The following GNB3 variants were observed in gnomAD, a reference collection of about 807,000 sequenced individuals.
GNB3 encodes the protein guanine nucleotide-binding protein G(I)/G(S)/G(T) subunit beta-3.
Under a neutral mutation model 41.2 loss-of-function variants are expected in GNB3, and 33 were observed. The observed-to-expected ratio is 0.80, with a 90% CI of 0.61 to 1.07. The LOEUF (loss-of-function observed/expected upper bound fraction) is 1.07, where lower values mean the gene tolerates loss of function less well. Among genes scored for constraint, GNB3 ranks in the 50% least tolerant of loss-of-function variants. The pLI is 0.00. For synonymous variants in GNB3, 172 were observed against 173.4 expected (o/e 0.99, Z 0.06); for missense variants, 409 against 455.3 (o/e 0.90, Z 0.92).
In GNB3 at chr12:6,843,019, G is replaced by A. The variant is rs782393502; in HGVS notation, c.146G>A (p.Arg49Gln). The stretch of plus-strand genomic sequence containing the variant: ...GGACGAGTCCAGATGCGGACGCGGC[G>A]GACGTTAAGGGGACACCTGGCCAAG... ...VVGRVQMRTR[R>Q]TLRGHLAKIY... The change falls in exon 4 of 10, where the codon CGG becomes CAG. Residue 49 changes from arginine to glutamine, a missense_variant. By Grantham distance (43) the Arg-to-Gln change is conservative. Transcript: ENST00000229264. This position sits in a 1 kb window ranked among gnomAD's most constrained non-coding sequence, Gnocchi z 5.9. 173 of 1,569,492 alleles carry A rather than the reference G, an allele frequency of 1.1e-4. No individual in the cohort carries two copies. The highest frequency in any genetic ancestry group is 1.4e-4 in the East Asian group (6 of 44,300).
chr12:6,841,905 T>C (rs1943583258), intron 3 of GNB3: 2 of 626,420 alleles, frequency 3.2e-6, no homozygotes, highest in Admixed American at 2.2e-5. Context: ...TAGTACTTTG[T>C]AAATTATAAA....
chr12:6,841,774 G>A (rs782527175), intron 3 of GNB3, 150 bp downstream of exon 3: 540 of 722,624 alleles, frequency 7.5e-4, no homozygotes, highest in Non-Finnish European at 1.1e-3. Flanking sequence ...ACATTTTAGC[G>A]GGACCTGCTC....
At chr12:6,845,547 A>C in intron 8 of GNB3, 39 bp from the exon 9 acceptor site, 4 of 1,437,274 alleles carry the variant, frequency 2.8e-6, no homozygotes, top group Non-Finnish European at 3.9e-6. Flanking sequence ...TGGGCTGCCC[A>C]GGTCTGATCC....
At chr12:6,841,824 G>A (rs782284744) in intron 3 of GNB3, 200 bp downstream of exon 3, 8 of 698,922 alleles carry the variant, frequency 1.1e-5, no homozygotes, top group Middle Eastern at 2.3e-4. Flanking sequence ...ATGCGGACAC[G>A]GTTCCTATTC....
rs1555124913 is a variant in GNB3 at position 6,847,007 on chromosome 12, A to T, written c.*109A>T. On this transcript the variant is annotated 3_prime_UTR_variant, in exon 10 of 10. Transcript: ENST00000229264. ...CTATATTCCGGGTGCCATTCCCACT[A>T]AGCTTTCTCCTTTGAGGGCAGTGGG... 2 of 683,726 alleles carry T rather than the reference A, an allele frequency of 2.9e-6. No homozygotes were observed. The highest frequency in any genetic ancestry group is 5.2e-6 in the Non-Finnish European group (2 of 382,618). The allele number at this position is 683,726 out of a possible 1,614,324, so 42.4% of individuals were successfully genotyped here.
Position 6,843,091 on chromosome 12 carries a change from G to T in GNB3, c.203+15G>T, listed in dbSNP as rs1383817764. ...ACTGATTCTAAGTGAGGCTTGGGGGGGAACCGAGAATGGGAGGGTGAGAGC... is the reference window on the plus strand; with the variant it reads ...ACTGATTCTAAGTGAGGCTTGGGGGTGAACCGAGAATGGGAGGGTGAGAGC... On this transcript the variant is annotated intron_variant, in intron 4 of 9. Transcript: ENST00000229264. This position sits in a 1 kb window ranked among gnomAD's most constrained non-coding sequence, Gnocchi z 5.9. 1 of 1,603,412 alleles carries T rather than the reference G, an allele frequency of 6.2e-7. No homozygotes were observed. Among genetic ancestry groups the T allele is most frequent in the Non-Finnish European group, 8.5e-7 (1 of 1,171,108 alleles).
At chr12:6,845,089 C>T (rs1943659428) in intron 8 of GNB3, 1 of 153,518 alleles carries the variant, frequency 6.5e-6, no homozygotes, top group South Asian at 2.0e-4. Context: ...CACCTTTAAA[C>T]TGGAACTGTT....
In GNB3 at chr12:6,843,650, G is replaced by A. The variant is rs782388688; in HGVS notation, c.449G>A (p.Arg150His). 4.3e-6 allele frequency: 7 copies of A among 1,614,114 alleles called. No individual in the cohort carries two copies. Among genetic ancestry groups the A allele is most frequent in the East Asian group, 2.2e-5 (1 of 44,884 alleles). The change falls in exon 7 of 10, where the codon CGC (arginine) becomes CAC (histidine). Residue 150 changes from arginine to histidine, a missense_variant. Coordinates refer to ENST00000229264, the MANE Select transcript of GNB3 (RefSeq NM_002075.4). This position sits in a 1 kb window ranked among gnomAD's most constrained non-coding sequence, Gnocchi z 5.9. The stretch of plus-strand genomic sequence containing the variant: ...CCTCCAGGTTATCTCTCCTGCTGCC[G>A]CTTCCTGGATGACAACAATATTGTG... ...SAHTGYLSCC[R>H]FLDDNNIVTS...
At chr12:6,845,545 C>T (rs1279226893) in intron 8 of GNB3, 41 bp from the exon 9 acceptor site, 2 of 1,424,698 alleles carry the variant, frequency 1.4e-6, no homozygotes, top group African/African-American at 2.8e-5. Context: ...TGTGGGCTGC[C>T]CAGGTCTGAT....
intron 8 of GNB3, chr12:6,844,660 A>G (rs1236899919): frequency 6.6e-6 from 1 of 152,224 alleles, no homozygotes; most frequent in African/African-American, 2.4e-5. Context: ...AGCTCAAGCG[A>G]TCCTCCTGCC....
chr12:6,846,699 A>AT, intron 9 of GNB3, 93 bp from the exon 10 acceptor site: 2 of 667,142 alleles, frequency 3.0e-6, no homozygotes, highest in Non-Finnish European at 2.6e-6. Flanking sequence ...ACACACACAC[A>AT]CCCACACACC....
At chr12:6,846,688 TACAC>T (rs782215016) in intron 9 of GNB3, 100 bp from the exon 10 acceptor site, 57 of 629,624 alleles carry the variant, frequency 9.1e-5, no homozygotes, top group African/African-American at 2.8e-4. Flanking sequence ...CACACCCACA[TACAC>T]ACACACACCC....
At position 6,843,055 on chromosome 12, in the gene GNB3, T is replaced by C; in HGVS notation, c.182T>C (p.Met61Thr). The C allele has an allele frequency of 1.3e-6, 2 of 1,595,858 alleles. No homozygotes were observed. The highest frequency in any genetic ancestry group is 2.2e-5 in the East Asian group (1 of 44,488). ...LRGHLAKIYA[M>T]HWATDSKLLV... is the part of the protein sequence containing the mutation. ...GGACACCTGGCCAAGATTTACGCCA[T>C]GCACTGGGCCACTGATTCTAAGTGA... The change falls in exon 4 of 10, where the codon ATG becomes ACG. Residue 61 changes from methionine to threonine, a missense_variant. Coordinates refer to ENST00000229264, the MANE Select transcript of GNB3 (RefSeq NM_002075.4). The surrounding 1 kb of genome is among the most constrained non-coding windows in gnomAD (Gnocchi z 5.9).
intron 3 of GNB3, chr12:6,841,967 A>G (rs1943584795): frequency 4.7e-6 from 2 of 427,126 alleles, no homozygotes; most frequent in South Asian, 2.1e-5. Flanking sequence ...TGTCAATTCT[A>G]AGATGCACAT....
chr12:6,843,598 G>A lies in GNB3; in HGVS notation c.431-34G>A, dbSNP rs373704098. ...TGGGCTTCCAGTGGGCTGTGGCTCT[G>A]CAGCCAGGGCACTGTCCTTCTAACC... is the stretch of plus-strand genomic sequence containing the variant. On this transcript the variant is annotated intron_variant, in intron 6 of 9. Coordinates refer to ENST00000229264, the MANE Select transcript of GNB3 (RefSeq NM_002075.4). The surrounding 1 kb of genome is among the most constrained non-coding windows in gnomAD (Gnocchi z 5.9). 6.2e-7 allele frequency: 1 copy of A among 1,612,394 alleles called. No homozygotes were observed. The highest frequency in any genetic ancestry group is 1.3e-5 in the African/African-American group (1 of 74,892).
At position 6,841,245 on chromosome 12, in the gene GNB3, A is replaced by G. The variant is rs376645329; in HGVS notation, c.-30-13A>G. On this transcript the variant is annotated splice_polypyrimidine_tract_variant and intron_variant, in intron 1 of 9. Transcript: ENST00000229264. ...TGGGGGGTTCCTCAACACCGACCCC[A>G]TGTTCCTGGCAGGAGCCAGAGTGAC... 1 of 1,565,898 alleles carries G rather than the reference A, an allele frequency of 6.4e-7. No individual in the cohort carries two copies. The highest frequency in any genetic ancestry group is 1.4e-5 in the African/African-American group (1 of 73,848).
chr12:6,841,418 G>T, intron 2 of GNB3, 74 bp downstream of exon 2: 1 of 1,389,996 alleles, frequency 7.2e-7, no homozygotes, highest in Non-Finnish European at 1.0e-6. Flanking sequence ...AGGGGGAGGG[G>T]GCTGGGTTTG....
In GNB3 at chr12:6,843,695, C is replaced by G. The variant is rs782130029; in HGVS notation, c.494C>G (p.Thr165Arg). Residue 165 changes from threonine to arginine, a missense_variant, in exon 7 of 10, where the codon ACG (threonine) becomes AGG (arginine). Transcript: ENST00000229264. The surrounding 1 kb of genome is among the most constrained non-coding windows in gnomAD (Gnocchi z 5.9). Reference protein sequence around the residue: ...NNIVTSSGDTTCALWDIETGQ... With the variant: ...NNIVTSSGDTRCALWDIETGQ... ...ATTGTGACCAGCTCGGGGGACACCA[C>G]GTGGTGAGGCTGAACATTGCTGGTG... The G allele has an allele frequency of 3.6e-5, 58 of 1,613,692 alleles. No individual in the cohort carries two copies. The highest frequency in any genetic ancestry group is 4.7e-5 in the Non-Finnish European group (55 of 1,179,694).
intron 9 of GNB3, 36 bp from the exon 10 acceptor site, chr12:6,846,756 T>A (rs1555124812): frequency 8.0e-7 from 1 of 1,248,518 alleles, no homozygotes; most frequent in Non-Finnish European, 1.2e-6. Context: ...CAAATCAGCT[T>A]GGAGAGACAG....
Sources: gnomAD v4.1 joint callset for allele counts on GRCh38, gnomAD v4.1.1 for gene constraint, Gnocchi (gnomAD v3.1) non-coding constraint, MANE v1.5 for transcripts, NCBI Gene and HGNC (gene_info 2026-07-23, HGNC 2026-07-21) for gene names.